CPEB3: variants seen among roughly 807,000 people sequenced by gnomAD.
The protein encoded by CPEB3 is cytoplasmic polyadenylation element binding protein 3, also known as cytoplasmic polyadenylation element-binding protein 3.
A neutral mutation model predicts 67.2 loss-of-function variants in CPEB3; 20 were observed. The ratio of observed to expected loss-of-function variants is 0.30; its 90% CI spans 0.21 to 0.43. CPEB3 has a LOEUF of 0.43. Ranked by LOEUF, CPEB3 falls within the 20% of genes least tolerant of loss-of-function variation. CPEB3 has a pLI of 1.00. For missense variants in CPEB3, 746 were observed against 968.6 expected, an observed-to-expected ratio of 0.77 and a Z score of 3.05; for synonymous variants, 376 against 393.1, an observed-to-expected ratio of 0.96 and a Z score of 0.51.
chr10:92,052,834 C>G (rs199504365), intron 9 of CPEB3, among the ~76,000 whole-genome samples: 14 of 152,246 alleles, frequency 9.2e-5, no homozygotes, highest in East Asian at 5.8e-4. Context: ...TCCTGAAAGC[C>G]GGGCAGCATC....
chr10:92,274,764 C>T (rs369418417), intron 1 of CPEB3, among the ~76,000 whole-genome samples: 5 of 152,222 alleles, frequency 3.3e-5, no homozygotes, highest in South Asian at 4.1e-4. Flanking sequence ...TTGCTTGAAT[C>T]GAGTGAGTCG....
At chr10:92,286,004 C>T (rs1590624585) in intron 1 of CPEB3, among the ~76,000 whole-genome samples, 2 of 150,222 alleles carry the variant, frequency 1.3e-5, no homozygotes, top group African/African-American at 2.5e-5. Context: ...GGTACAATCT[C>T]GGCTCACTGC....
intron 7 of CPEB3, among the ~76,000 whole-genome samples, chr10:92,092,617 T>C (rs1426335845): frequency 2.0e-5 from 3 of 152,058 alleles, no homozygotes; most frequent in Non-Finnish European, 4.4e-5. Flanking sequence ...CTGTCTCTAC[T>C]GAAAATACAA....
intron 6 of CPEB3, among the ~76,000 whole-genome samples, chr10:92,128,851 G>C (rs1323778898): frequency 6.6e-6 from 1 of 152,152 alleles, no homozygotes; most frequent in African/African-American, 2.4e-5. Flanking sequence ...AACAGGTGCT[G>C]GTGAGGTTGC....
intron 4 of CPEB3, among the ~76,000 whole-genome samples, chr10:92,149,991 C>G (rs1314189057): frequency 2.0e-5 from 3 of 152,168 alleles, no homozygotes; most frequent in Non-Finnish European, 4.4e-5. Flanking sequence ...AAAGTATATT[C>G]TCAACACTGG....
chr10:92,146,340 C>A (rs1846678961), intron 4 of CPEB3, among the ~76,000 whole-genome samples: 1 of 151,624 alleles, frequency 6.6e-6, no homozygotes, highest in South Asian at 2.1e-4. Context: ...GACTTCCTAG[C>A]AAAACTTTCC....
At chr10:92,277,506 C>T (rs1385398659) in intron 1 of CPEB3, among the ~76,000 whole-genome samples, 1 of 152,194 alleles carries the variant, frequency 6.6e-6, no homozygotes, top group African/African-American at 2.4e-5. Flanking sequence ...AAATTCTATT[C>T]TTATGCCACC....
Position 92,081,385 on chromosome 10 carries a change from G to C in CPEB3, c.1804C>G (p.Gln602Glu). Residue 602 changes from glutamine to glutamate, a missense_variant, in exon 9 of 10, where the codon CAG (glutamine) becomes GAG (glutamate). Gln to Glu is a conservative substitution (Grantham distance 29). Around this residue, in one of 2 missense-constraint regions of CPEB3, gnomAD observed 103 missense variants for 251.1 expected, o/e 0.41. Coordinates refer to ENST00000265997, the MANE Select transcript of CPEB3 (RefSeq NM_014912.5). ...GAGRVAFSNQ[Q>E]SYIAAISARF... The stretch of plus-strand genomic sequence containing the variant: ...GCGCTGATGGCTGCAATGTAACTCT[G>C]CTGATTGGAGAATGCCACGCGGCCA... 6.2e-7 allele frequency: 1 copy of C among 1,614,200 alleles called. No homozygotes were observed. Among genetic ancestry groups the C allele is most frequent in the Non-Finnish European group, 8.5e-7 (1 of 1,180,040 alleles).
intron 1 of CPEB3, among the ~76,000 whole-genome samples, chr10:92,266,333 G>A (rs918895948): frequency 1.3e-5 from 2 of 152,116 alleles, no homozygotes; most frequent in East Asian, 3.9e-4. Flanking sequence ...AAGTTTATCT[G>A]TTCTCTTAAG....
At chr10:92,115,603 A>G (rs1170483281) in intron 6 of CPEB3, among the ~76,000 whole-genome samples, 1 of 152,188 alleles carries the variant, frequency 6.6e-6, no homozygotes, top group Non-Finnish European at 1.5e-5. Flanking sequence ...GTCAAAGTGA[A>G]ACATTTAATT....
rs545386780 is a variant in CPEB3, at chr10:92,277,640, G to A, written c.-12+13286C>T. On this transcript the variant is annotated intron_variant, in intron 1 of 9. Coordinates refer to ENST00000265997, the MANE Select transcript of CPEB3 (RefSeq NM_014912.5). The stretch of plus-strand genomic sequence containing the variant: ...GCACAGTGGCTCATGCCCGTAATCC[G>A]AGCACGTTGGGAGGTCAAGGTTGGT... 1.8e-4 allele frequency among the ~76,000 whole-genome samples: 28 copies of A among 151,980 alleles called. 1 individual carries two copies. In the South Asian group the frequency reaches 3.9e-3, roughly 21 times the overall value.
At chr10:92,213,652 A>G (rs981384593) in intron 2 of CPEB3, among the ~76,000 whole-genome samples, 16 of 152,256 alleles carry the variant, frequency 1.1e-4, no homozygotes, top group African/African-American at 3.9e-4. Flanking sequence ...TATTTTTATG[A>G]TTTGACACTT....
At chr10:92,216,295 G>GACTAGGTTT (rs952040876) in intron 2 of CPEB3, 1 of 1,557,370 alleles carries the variant, frequency 6.4e-7, no homozygotes, top group African/African-American at 1.4e-5. Context: ...ATTTGGCTGG[G>GACTAGGTTT]CAGCCTCCCT....
At chr10:92,188,171 G>A (rs1848781780) in intron 3 of CPEB3, among the ~76,000 whole-genome samples, 1 of 151,914 alleles carries the variant, frequency 6.6e-6, no homozygotes, top group South Asian at 2.1e-4. Context: ...ACTCCAGCCT[G>A]GGTGAAAGAG....
Position 92,239,793 on chromosome 10 carries a change from G to C in CPEB3, c.558C>G (p.Pro186=), listed in dbSNP as rs1851736656. 7.1e-7 allele frequency: 1 copy of C among 1,409,940 alleles called. No individual in the cohort carries two copies. The highest frequency in any genetic ancestry group is 9.2e-7 in the Non-Finnish European group (1 of 1,088,660). The allele number at this position is 1,409,940 out of a possible 1,614,324, so 87.3% of individuals were successfully genotyped here. Reference sequence around the variant, plus strand: ...TGGCGGGTGAGCGGCGCTGCTGCGGGGGCTGCGCCTGTGGTGGCTGCGCTG... The same window carrying C: ...TGGCGGGTGAGCGGCGCTGCTGCGGCGGCTGCGCCTGTGGTGGCTGCGCTG... The part of the protein sequence containing the change: ...AQPAQPPQAQ[P]PQQRRSPASP... The change falls in exon 2 of 10, where the codon CCC becomes CCG. Residue 186 remains proline, a synonymous_variant. Coordinates refer to ENST00000265997, the MANE Select transcript of CPEB3 (RefSeq NM_014912.5). The surrounding 1 kb of genome is among the most constrained non-coding windows in gnomAD (Gnocchi z 6.0).
chr10:92,150,316 T>C (rs1020461931), intron 4 of CPEB3, among the ~76,000 whole-genome samples: 2 of 151,788 alleles, frequency 1.3e-5, no homozygotes, highest in African/African-American at 4.8e-5. Context: ...GGTCTTGAAC[T>C]CCTGGGCTCT....
intron 4 of CPEB3, among the ~76,000 whole-genome samples, chr10:92,159,463 G>C (rs891421486): frequency 3.9e-5 from 6 of 152,012 alleles, no homozygotes; most frequent in Admixed American, 3.9e-4. Flanking sequence ...TCTGAGGTCA[G>C]GAGTTTGAGA....
intron 7 of CPEB3, among the ~76,000 whole-genome samples, chr10:92,107,187 G>A (rs367777111): frequency 2.0e-5 from 3 of 152,054 alleles, no homozygotes; most frequent in African/African-American, 4.8e-5. Context: ...CATTCTTTTC[G>A]ATTTTCATTT....
chr10:92,219,190 C>A (rs528793049), intron 2 of CPEB3, among the ~76,000 whole-genome samples: 2 of 152,242 alleles, frequency 1.3e-5, no homozygotes, highest in African/African-American at 4.8e-5. Context: ...GCTTGCTTGC[C>A]TATGGCTTGC....
Sources: allele counts gnomAD v4.1 joint callset (sites outside exome capture counted in the v4.1 genomes callset), GRCh38; gene constraint gnomAD v4.1.1; regional missense constraint gnomAD v4.1.1; non-coding constraint Gnocchi (gnomAD v3.1); transcripts MANE v1.5; gene names NCBI Gene and HGNC (gene_info 2026-07-23, HGNC 2026-07-21).